NEURL1: variants seen among roughly 807,000 people sequenced by gnomAD.
NEURL1 encodes neuralized E3 ubiquitin protein ligase 1.
In NEURL1, 26 loss-of-function variants were observed where a neutral mutation model predicts 41.2. The ratio of observed to expected loss-of-function variants is 0.63; its 90% CI spans 0.46 to 0.87. NEURL1 has a LOEUF of 0.87. Among genes scored for constraint, NEURL1 ranks in the 40% least tolerant of loss-of-function variants. NEURL1 has a pLI of 0.00. For missense variants in NEURL1, 761 were observed against 871.1 expected (o/e 0.87, Z 1.59); for synonymous variants, 400 against 402.3 (o/e 0.99, Z 0.07).
intron 1 of NEURL1, among the ~76,000 whole-genome samples, chr10:103,507,465 A>T (rs2033973426): frequency 6.6e-6 from 1 of 151,884 alleles, no homozygotes; most frequent in African/African-American, 2.4e-5. Context: ...GAGCAGATTG[A>T]CTCGGGAGAT....
chr10:103,568,541 C>T (rs751197901), intron 1 of NEURL1, among the ~76,000 whole-genome samples: 4 of 152,226 alleles, frequency 2.6e-5, no homozygotes, highest in Non-Finnish European at 2.9e-5. Flanking sequence ...GTTTTAAAAA[C>T]TGCTTCGTGG....
chr10:103,540,695 G>A lies in NEURL1; in HGVS notation c.86-30177G>A, dbSNP rs184612108. On this transcript the variant is annotated intron_variant, in intron 1 of 5. Coordinates refer to ENST00000369780, the MANE Select transcript of NEURL1 (RefSeq NM_004210.5). The stretch of plus-strand genomic sequence containing the variant: ...ATCATTATGAATAAGAATCATTTTC[G>A]TTACCATAACCATCTTTAGAGGATT... Among the ~76,000 whole-genome samples the A allele has an allele frequency of 7.2e-5, 11 of 152,126 alleles. No homozygotes were observed. The East Asian group carries it at 9.7e-4, about 13-fold the overall frequency.
intron 1 of NEURL1, among the ~76,000 whole-genome samples, chr10:103,535,960 A>G (rs1178337296): frequency 2.6e-5 from 4 of 152,210 alleles, no homozygotes; most frequent in African/African-American, 9.7e-5. Context: ...ATGGCACAGC[A>G]TTGGCTTCTT....
At chr10:103,528,459 C>T (rs748884378) in intron 1 of NEURL1, among the ~76,000 whole-genome samples, 3 of 150,742 alleles carry the variant, frequency 2.0e-5, no homozygotes, top group Non-Finnish European at 2.9e-5. Context: ...CGCTTGAACC[C>T]GGGAGGCGGA....
At chr10:103,572,494 T>G (rs2035571030) in intron 3 of NEURL1, among the ~76,000 whole-genome samples, 1 of 152,322 alleles carries the variant, frequency 6.6e-6, no homozygotes, top group South Asian at 2.1e-4. Context: ...GTTAGGCTCT[T>G]TGAGGACAGT....
intron 1 of NEURL1, among the ~76,000 whole-genome samples, chr10:103,530,870 C>T (rs997282814): frequency 6.6e-6 from 1 of 152,022 alleles, no homozygotes; most frequent in Admixed American, 6.5e-5. Flanking sequence ...ATTGTTGAGA[C>T]TTGTTTTGTG....
intron 1 of NEURL1, among the ~76,000 whole-genome samples, chr10:103,496,112 T>TAAAAAAAAAAGCGAGACTCTGTCTTGCTA (rs2033679746): frequency 7.6e-6 from 1 of 131,114 alleles, no homozygotes; most frequent in African/African-American, 2.8e-5. Context: ...TCTGTCTTGC[T>TAAAAAAAAAAGCGAGACTCTGTCTTGCTA]AAAAAAAAAA....
At chr10:103,578,541 C>T (rs1489266907) in intron 3 of NEURL1, among the ~76,000 whole-genome samples, 1 of 152,160 alleles carries the variant, frequency 6.6e-6, no homozygotes, top group Middle Eastern at 3.2e-3. Context: ...AGACTTCAGC[C>T]AGAACTTGGG....
rs768902153 is a variant in NEURL1, at chr10:103,591,429, T to TTTTG, written c.*1071_*1074dup. ...TATTTGGTTTGTGGTTTTGGGTTTTTTTTGTTTGTTTGTTTGTAGGTGAGT... is the reference window on the plus strand; with the variant it reads ...TATTTGGTTTGTGGTTTTGGGTTTTTTTTGTTTGTTTGTTTGTTTGTAGGTGAGT... On this transcript the variant is annotated 3_prime_UTR_variant, in exon 6 of 6. Coordinates refer to ENST00000369780, the MANE Select transcript of NEURL1 (RefSeq NM_004210.5). 6.6e-6 allele frequency: 1 copy of TTTTG among 152,274 alleles called. No individual in the cohort carries two copies. The highest frequency in any genetic ancestry group is 1.5e-5 in the Non-Finnish European group (1 of 68,108). 9.4% of individuals were successfully genotyped at this position (152,274 alleles called of 1,614,324 possible).
At position 103,569,863 on chromosome 10, in the gene NEURL1, G is replaced by A. The variant is rs541461666; in HGVS notation, c.86-1009G>A. ...GGGTGTCTGGCTGGCCTGGGGCTTC[G>A]GAGACTGCTGTCTGGGGCCTCTGGA... is the stretch of plus-strand genomic sequence containing the variant. On this transcript the variant is annotated intron_variant, in intron 1 of 5. Coordinates refer to ENST00000369780, the MANE Select transcript of NEURL1 (RefSeq NM_004210.5). Among the ~76,000 whole-genome samples the A allele has an allele frequency of 7.9e-5, 12 of 152,264 alleles. No homozygotes were observed. The South Asian group carries it at 8.3e-4, about 11-fold the overall frequency.
chr10:103,509,906 A>G (rs1176285826), intron 1 of NEURL1, among the ~76,000 whole-genome samples: 1 of 152,152 alleles, frequency 6.6e-6, no homozygotes, highest in Admixed American at 6.5e-5. Flanking sequence ...TTTCCGTTTC[A>G]GGGTCCAGGA....
intron 1 of NEURL1, among the ~76,000 whole-genome samples, chr10:103,519,141 G>A (rs940979060): frequency 6.6e-6 from 1 of 152,046 alleles, no homozygotes; most frequent in African/African-American, 2.4e-5. Flanking sequence ...CAGCTACTCG[G>A]GAGGCTAAGG....
intron 1 of NEURL1, among the ~76,000 whole-genome samples, chr10:103,536,545 T>C (rs954397022): frequency 6.6e-5 from 10 of 151,208 alleles, no homozygotes; most frequent in African/African-American, 2.2e-4. Flanking sequence ...ACTGCATGTC[T>C]CTCTCTCTCT....
At position 103,556,863 on chromosome 10, in the gene NEURL1, T is replaced by A. The variant is rs2035167638; in HGVS notation, c.86-14009T>A. On this transcript the variant is annotated intron_variant, in intron 1 of 5. Transcript: ENST00000369780. This position sits in a 1 kb window ranked among gnomAD's most constrained non-coding sequence, Gnocchi z 4.4. The stretch of plus-strand genomic sequence containing the variant: ...GCTTGCTGGCCCCGGCGGGGCCTGT[T>A]GGCAGAGGGTCTGGAGCCGACTGGC... Among the ~76,000 whole-genome samples the A allele has an allele frequency of 2.0e-5, 3 of 152,128 alleles. 1 individual carries two copies. The South Asian group carries it at 6.2e-4, about 32-fold the overall frequency.
rs143434524 is a variant in NEURL1, at chr10:103,554,518, A to G, written c.86-16354A>G. ...GGGATAGGTTGGTGTGGGGGGGAAA[A>G]GCCTGGATTCTGGTGCTGCACTGCC... On this transcript the variant is annotated intron_variant, in intron 1 of 5. Transcript: ENST00000369780. Among the ~76,000 whole-genome samples the G allele has an allele frequency of 6.2e-3, 946 of 152,138 alleles. 3 individuals are homozygous for G. Among genetic ancestry groups the G allele is most frequent in the Middle Eastern group, 0.014 (4 of 294 alleles).
At chr10:103,517,963 A>G (rs984865257) in intron 1 of NEURL1, among the ~76,000 whole-genome samples, 7 of 152,206 alleles carry the variant, frequency 4.6e-5, no homozygotes, top group African/African-American at 7.2e-5. Flanking sequence ...TTGGCATCCA[A>G]TGAACACATC....
intron 3 of NEURL1, among the ~76,000 whole-genome samples, chr10:103,575,881 A>C (rs573224759): frequency 2.0e-5 from 3 of 152,236 alleles, no homozygotes; most frequent in Non-Finnish European, 4.4e-5. Context: ...ATGGAAAAAG[A>C]AGCTCCTATC....
chr10:103,509,253 G>T (rs890553462), intron 1 of NEURL1, among the ~76,000 whole-genome samples: 2 of 144,662 alleles, frequency 1.4e-5, no homozygotes, highest in East Asian at 4.0e-4. Flanking sequence ...AAAAAAAAAA[G>T]AGAAAGAAAC....
At chr10:103,557,394 C>A (rs1251649412) in intron 1 of NEURL1, among the ~76,000 whole-genome samples, 2 of 152,130 alleles carry the variant, frequency 1.3e-5, no homozygotes, top group Non-Finnish European at 2.9e-5. Flanking sequence ...TCTCATTTGT[C>A]CCATTTCCCT....
Sources: gnomAD v4.1 joint callset for allele counts (sites outside exome capture counted in the v4.1 genomes callset) on GRCh38, gnomAD v4.1.1 for gene constraint, Gnocchi (gnomAD v3.1) non-coding constraint, MANE v1.5 for transcripts, NCBI Gene and HGNC (gene_info 2026-07-23, HGNC 2026-07-21) for gene names.